The following CDHR3 variants were observed in gnomAD, a reference collection of about 807,000 sequenced individuals.
CDHR3 encodes cadherin related family member 3.
CDHR3 carries 79 observed loss-of-function variants against 86.6 expected under a neutral mutation model. That is an observed-to-expected ratio of 0.91 (90% CI 0.76 to 1.10). The LOEUF (loss-of-function observed/expected upper bound fraction) is 1.10. Among genes scored for constraint, CDHR3 ranks in the 50% least tolerant of loss-of-function variants. The pLI is 0.00. For missense variants in CDHR3, 1,081 were observed against 1,077.6 expected (o/e 1.00, Z -0.04); for synonymous variants, 421 against 402.4 (o/e 1.05, Z -0.55).
intron 4 of CDHR3, among the ~76,000 whole-genome samples, chr7:105,989,043 G>A (rs1174738419): frequency 6.6e-6 from 1 of 152,160 alleles, no homozygotes; most frequent in Non-Finnish European, 1.5e-5. Context: ...CCAGGCACAG[G>A]CTTAGATCTA....
At chr7:105,968,811 A>G (rs183855689) in intron 1 of CDHR3, among the ~76,000 whole-genome samples, 105 of 151,982 alleles carry the variant, frequency 6.9e-4, no homozygotes, top group Admixed American at 1.2e-3. Flanking sequence ...TGCTTTGGCT[A>G]GGTGCGGTGG....
At chr7:106,019,200 A>G (rs1335513720) in intron 12 of CDHR3, among the ~76,000 whole-genome samples, 2 of 152,222 alleles carry the variant, frequency 1.3e-5, no homozygotes, top group Non-Finnish European at 2.9e-5. Context: ...GAGTCTGAGC[A>G]ATGCTTATCT....
chr7:106,024,999 A>G (rs1351541303), intron 15 of CDHR3, among the ~76,000 whole-genome samples: 1 of 152,244 alleles, frequency 6.6e-6, no homozygotes, highest in African/African-American at 2.4e-5. Flanking sequence ...CCAGTGACTC[A>G]GCCGGGTTTT....
intron 4 of CDHR3, among the ~76,000 whole-genome samples, chr7:105,986,791 G>T (rs1035831620): frequency 1.3e-5 from 2 of 152,178 alleles, no homozygotes; most frequent in Non-Finnish European, 2.9e-5. Context: ...ACTTTTAGGG[G>T]TGGTAGGTCA....
intron 1 of CDHR3, among the ~76,000 whole-genome samples, chr7:105,964,594 G>A (rs1826578408): frequency 6.6e-6 from 1 of 151,372 alleles, no homozygotes. Context: ...TTAAGGAGGT[G>A]GCTTTTATTC....
intron 4 of CDHR3, among the ~76,000 whole-genome samples, chr7:105,987,285 G>A (rs750857547): frequency 1.1e-4 from 16 of 152,182 alleles, no homozygotes; most frequent in Non-Finnish European, 1.9e-4. Flanking sequence ...TGTTTGGGGA[G>A]GGGGTACTCA....
chr7:106,001,107 G>A (rs772511536), intron 6 of CDHR3, among the ~76,000 whole-genome samples: 1 of 152,156 alleles, frequency 6.6e-6, no homozygotes, highest in Non-Finnish European at 1.5e-5. Flanking sequence ...TGCACAAAAC[G>A]TGGGAAAATG....
At chr7:106,017,385 C>A (rs995463592) in intron 11 of CDHR3, among the ~76,000 whole-genome samples, 1 of 152,010 alleles carries the variant, frequency 6.6e-6, no homozygotes, top group Non-Finnish European at 1.5e-5. Flanking sequence ...GGTGAAACCC[C>A]ATCTCTTCTA....
rs1838231712 is a variant in CDHR3, at chr7:106,030,916, A to C, written c.2353+76A>C. 1 of 1,397,930 alleles carries C rather than the reference A, an allele frequency of 7.2e-7. No individual in the cohort carries two copies. 86.6% of individuals were successfully genotyped at this position (1,397,930 alleles called of 1,614,324 possible). A position where few individuals can be genotyped will look rare whatever the true frequency, so the allele number is the denominator to read the frequency against. Reference sequence around the variant, plus strand: ...GTAGAAGCATGGAGGATCTTATCCAATTTCCTGCTTTTAGCTCATTTTGTC... The same window carrying C: ...GTAGAAGCATGGAGGATCTTATCCACTTTCCTGCTTTTAGCTCATTTTGTC... On this transcript the variant is annotated intron_variant, in intron 18 of 18. Transcript: ENST00000317716. This position sits in a 1 kb window ranked among gnomAD's most constrained non-coding sequence, Gnocchi z 4.8.
Position 105,994,750 on chromosome 7 carries a change from G to C in CDHR3, c.514-1G>C. Reference sequence around the variant, plus strand: ...ATCAATTTTTTTCCCTTGTTTTTTAGTATTTCCTGATTTCTCCCCCAAAGA... The same window carrying C: ...ATCAATTTTTTTCCCTTGTTTTTTACTATTTCCTGATTTCTCCCCCAAAGA... On this transcript the variant is annotated splice_acceptor_variant, in intron 4 of 18. Coordinates refer to ENST00000317716, the MANE Select transcript of CDHR3 (RefSeq NM_152750.5). LOFTEE classifies it high-confidence loss of function. 6.2e-7 allele frequency: 1 copy of C among 1,606,752 alleles called. No individual in the cohort carries two copies. Among genetic ancestry groups the C allele is most frequent in the Non-Finnish European group, 8.5e-7 (1 of 1,175,866 alleles).
chr7:106,001,408 G>GCTA, intron 6 of CDHR3, 54 bp from the exon 7 acceptor site: 1 of 1,604,206 alleles, frequency 6.2e-7, no homozygotes, highest in Non-Finnish European at 8.5e-7. Flanking sequence ...TCGCCTAGAT[G>GCTA]CTACCTTCCC....
At chr7:105,970,855 C>T (rs908082020) in intron 1 of CDHR3, among the ~76,000 whole-genome samples, 4 of 152,066 alleles carry the variant, frequency 2.6e-5, no homozygotes, top group African/African-American at 9.7e-5. Context: ...TCAGGAGAAC[C>T]CAGCTTGGCT....
intron 1 of CDHR3, among the ~76,000 whole-genome samples, chr7:105,964,477 C>G (rs901830750): frequency 6.6e-6 from 1 of 151,868 alleles, no homozygotes; most frequent in African/African-American, 2.4e-5. Flanking sequence ...ACTGCCAGGC[C>G]TGGACATTCT....
At chr7:106,018,391 C>T (rs1018860181) in intron 12 of CDHR3, among the ~76,000 whole-genome samples, 1 of 152,050 alleles carries the variant, frequency 6.6e-6, no homozygotes, top group Non-Finnish European at 1.5e-5. Context: ...TGTGCACCAC[C>T]GTGCGCAGCT....
chr7:106,013,716 C>T (rs1835156411), intron 9 of CDHR3, among the ~76,000 whole-genome samples: 1 of 152,164 alleles, frequency 6.6e-6, no homozygotes, highest in South Asian at 2.1e-4. Flanking sequence ...CCTCCCATCC[C>T]AAGCCCTTCT....
At chr7:105,991,536 G>A (rs1471118010) in intron 4 of CDHR3, among the ~76,000 whole-genome samples, 2 of 151,982 alleles carry the variant, frequency 1.3e-5, no homozygotes, top group Non-Finnish European at 2.9e-5. Flanking sequence ...TGCATAAGTT[G>A]TTGAGACTGT....
chr7:105,966,252 G>A (rs1234530786), intron 1 of CDHR3, among the ~76,000 whole-genome samples: 3 of 152,154 alleles, frequency 2.0e-5, no homozygotes, highest in Admixed American at 6.5e-5. Context: ...TTTTGAAGAA[G>A]CATCCAAGGA....
chr7:105,991,549 G>A (rs937776520), intron 4 of CDHR3, among the ~76,000 whole-genome samples: 2 of 152,064 alleles, frequency 1.3e-5, no homozygotes, highest in Non-Finnish European at 2.9e-5. Context: ...GAGACTGTGG[G>A]CCCAACTGGA....
intron 15 of CDHR3, among the ~76,000 whole-genome samples, chr7:106,026,226 G>A (rs950541664): frequency 5.9e-5 from 9 of 152,156 alleles, no homozygotes; most frequent in Non-Finnish European, 1.0e-4. Context: ...GGGAAATCTC[G>A]TAGGGTCTGA....
Sources: gnomAD v4.1 joint callset for allele counts (sites outside exome capture counted in the v4.1 genomes callset) on GRCh38, gnomAD v4.1.1 for gene constraint, Gnocchi (gnomAD v3.1) non-coding constraint, MANE v1.5 for transcripts, NCBI Gene and HGNC (gene_info 2026-07-23, HGNC 2026-07-21) for gene names.